Variants in ILRUN observed in about 807,000 individuals in gnomAD.
ILRUN encodes the protein inflammation and lipid regulator with UBA-like and NBR1-like domains.
Under a neutral mutation model 33.8 loss-of-function variants are expected in ILRUN, and 3 were observed. That is an observed-to-expected ratio of 0.09 (90% confidence interval 0.04 to 0.23). The LOEUF (loss-of-function observed/expected upper bound fraction) is 0.23. Ranked by LOEUF, ILRUN falls within the 10% of genes least tolerant of loss-of-function variation. The pLI is 1.00. For missense variants in ILRUN, 210 were observed against 375.1 expected (o/e 0.56, Z 3.64); for synonymous variants, 124 against 138.9 (o/e 0.89, Z 0.75).
intron 1 of ILRUN, among the ~76,000 whole-genome samples, chr6:34,687,708 A>ATAT (rs1470309318): frequency 1.4e-5 from 2 of 143,340 alleles, no homozygotes; most frequent in African/African-American, 2.7e-5. Flanking sequence ...CAAAAAAAAA[A>ATAT]ATATATATAT....
chr6:34,617,769 T>C (rs1185724997), intron 3 of ILRUN, among the ~76,000 whole-genome samples: 1 of 152,206 alleles, frequency 6.6e-6, no homozygotes, highest in Non-Finnish European at 1.5e-5. Flanking sequence ...TGTTCCTTAG[T>C]ATTTAGCATT....
At chr6:34,633,905 G>A (rs1337381280) in intron 3 of ILRUN, among the ~76,000 whole-genome samples, 1 of 116,862 alleles carries the variant, frequency 8.6e-6, no homozygotes, top group Non-Finnish European at 1.8e-5. Context: ...GGGAGGGAGG[G>A]AGGGAGGGAG....
chr6:34,669,633 C>T (rs1211436298), intron 1 of ILRUN, among the ~76,000 whole-genome samples: 2 of 152,120 alleles, frequency 1.3e-5, no homozygotes, highest in Non-Finnish European at 2.9e-5. Flanking sequence ...TGTGTGAAGG[C>T]CTCACAATTA....
At chr6:34,609,550 G>A (rs764396950) in intron 3 of ILRUN, among the ~76,000 whole-genome samples, 6 of 151,972 alleles carry the variant, frequency 3.9e-5, no homozygotes, top group Non-Finnish European at 7.4e-5. Context: ...TTAGAGGTTT[G>A]GAAGCTGTAT....
intron 1 of ILRUN, among the ~76,000 whole-genome samples, chr6:34,689,224 C>G (rs1333945084): frequency 1.3e-5 from 2 of 151,744 alleles, no homozygotes; most frequent in African/African-American, 4.8e-5. Context: ...ATCCCAAGTA[C>G]TCAGGTGGCT....
chr6:34,669,055 G>C (rs1231913113), intron 1 of ILRUN, among the ~76,000 whole-genome samples: 2 of 152,002 alleles, frequency 1.3e-5, no homozygotes, highest in Non-Finnish European at 2.9e-5. Flanking sequence ...ATGTTGGCCA[G>C]GCTGGTCTCA....
chr6:34,601,830 T>A (rs920240208), intron 4 of ILRUN, among the ~76,000 whole-genome samples: 1 of 151,496 alleles, frequency 6.6e-6, no homozygotes, highest in Non-Finnish European at 1.5e-5. Context: ...AGAAGCAGAC[T>A]GACTCCTGCT....
chr6:34,640,979 T>C (rs953963739), intron 3 of ILRUN, among the ~76,000 whole-genome samples: 1 of 146,886 alleles, frequency 6.8e-6, no homozygotes, highest in African/African-American at 2.5e-5. Context: ...CTCGGGAGCC[T>C]GAGGCAAGAG....
rs775098525 is a variant in ILRUN, at chr6:34,646,576, C to T, written c.511+25G>A. 3 of 1,610,236 alleles carry T rather than the reference C, an allele frequency of 1.9e-6. No homozygotes were observed. Among genetic ancestry groups the T allele is most frequent in the Non-Finnish European group, 8.5e-7 (1 of 1,177,348 alleles). Reference sequence around the variant, plus strand: ...AAGATGTTACCTTAGTTCCTTTACCCTGGGCTGCACAAGGACATACTCACC... The same window carrying T: ...AAGATGTTACCTTAGTTCCTTTACCTTGGGCTGCACAAGGACATACTCACC... On this transcript the variant is annotated intron_variant, in intron 3 of 4. Coordinates refer to ENST00000374023, the MANE Select transcript of ILRUN (RefSeq NM_024294.4). The surrounding 1 kb of genome is among the most constrained non-coding windows in gnomAD (Gnocchi z 4.9).
At chr6:34,609,949 G>A (rs1428579838) in intron 3 of ILRUN, among the ~76,000 whole-genome samples, 1 of 152,068 alleles carries the variant, frequency 6.6e-6, no homozygotes, top group African/African-American at 2.4e-5. Context: ...ACGAGGTCAG[G>A]AGATCGAGAC....
intron 3 of ILRUN, among the ~76,000 whole-genome samples, chr6:34,629,046 T>A (rs917469294): frequency 6.6e-6 from 1 of 152,064 alleles, no homozygotes; most frequent in Non-Finnish European, 1.5e-5. Flanking sequence ...GAGACAGAGG[T>A]TGCAGTGACC....
At chr6:34,685,179 G>A (rs1415916528) in intron 1 of ILRUN, among the ~76,000 whole-genome samples, 3 of 152,144 alleles carry the variant, frequency 2.0e-5, no homozygotes, top group African/African-American at 7.2e-5. Flanking sequence ...TCAAATCCAG[G>A]TGGAAATTAA....
At chr6:34,668,930 G>T (rs929398404) in intron 1 of ILRUN, among the ~76,000 whole-genome samples, 2 of 146,834 alleles carry the variant, frequency 1.4e-5, no homozygotes, top group African/African-American at 5.1e-5. Flanking sequence ...TGCAACCTCC[G>T]CCTCCCAAGT....
rs375191658 is a variant in ILRUN, at chr6:34,689,350, A to T, written c.158+7096T>A. Among the ~76,000 whole-genome samples the T allele has an allele frequency of 7.2e-5, 11 of 152,314 alleles. No homozygotes were observed. The East Asian group carries it at 1.5e-3, about 21-fold the overall frequency. ...CAACATAGTGAGACGTCTCTAAAAA[A>T]ATTAAAATTAAATAAATGAAAATAA... is the stretch of plus-strand genomic sequence containing the variant. On this transcript the variant is annotated intron_variant, in intron 1 of 4. Transcript: ENST00000374023.
intron 1 of ILRUN, among the ~76,000 whole-genome samples, chr6:34,676,341 G>C (rs1021134473): frequency 6.6e-6 from 1 of 151,686 alleles, no homozygotes; most frequent in African/African-American, 2.4e-5. Flanking sequence ...TGAGGCTGCA[G>C]TGAGCCATGA....
At chr6:34,664,095 G>A (rs1308807804) in intron 1 of ILRUN, among the ~76,000 whole-genome samples, 1 of 152,198 alleles carries the variant, frequency 6.6e-6, no homozygotes. Flanking sequence ...GGAACAGAGT[G>A]TTGATGACGC....
intron 1 of ILRUN, among the ~76,000 whole-genome samples, chr6:34,695,880 T>A (rs1460793025): frequency 6.9e-6 from 1 of 144,138 alleles, no homozygotes; most frequent in Admixed American, 7.0e-5. Flanking sequence ...CACCCCCTTT[T>A]CCCTATCTAT....
chr6:34,642,993 G>T (rs1049421570), intron 3 of ILRUN, among the ~76,000 whole-genome samples: 1 of 149,138 alleles, frequency 6.7e-6, no homozygotes, highest in African/African-American at 2.5e-5. Flanking sequence ...AAAAAAAAAA[G>T]GAAAGAATGA....
At chr6:34,613,989 CA>C (rs1393774839) in intron 3 of ILRUN, among the ~76,000 whole-genome samples, 2 of 151,970 alleles carry the variant, frequency 1.3e-5, no homozygotes, top group Non-Finnish European at 2.9e-5. Flanking sequence ...AGAAAGTGGT[CA>C]AAGAACAAAA....
Sources: allele counts gnomAD v4.1 joint callset (sites outside exome capture counted in the v4.1 genomes callset), GRCh38; gene constraint gnomAD v4.1.1; non-coding constraint Gnocchi (gnomAD v3.1); transcripts MANE v1.5; gene names NCBI Gene and HGNC (gene_info 2026-07-23, HGNC 2026-07-21).